Variants in MDN1 observed in about 807,000 individuals in gnomAD.
MDN1 encodes the protein midasin AAA ATPase 1, also known as midasin.
A neutral mutation model predicts 669.2 loss-of-function variants in MDN1; 266 were observed. The ratio of observed to expected loss-of-function variants is 0.40; its 90% CI spans 0.36 to 0.44. MDN1 has a LOEUF of 0.44. Ranked by LOEUF, MDN1 falls within the 20% of genes least tolerant of loss-of-function variation. The pLI, the probability that MDN1 is intolerant of heterozygous loss-of-function variation, is 1.00. For missense variants in MDN1, 5,940 were observed against 6,754.0 expected (o/e 0.88, Z 4.22); for synonymous variants, 2,385 against 2,457.1 (o/e 0.97, Z 0.87).
chr6:89,723,005 C>T lies in MDN1; in HGVS notation c.5917G>A (p.Val1973Met), dbSNP rs1191237182. The change falls in exon 40 of 102, where the codon GTG becomes ATG. Residue 1973 changes from valine to methionine, a missense_variant. This residue lies in a region of MDN1 where 2,292 missense variants were observed against 2,638.3 expected (regional missense o/e 0.87). Transcript: ENST00000369393. Reference sequence around the variant, plus strand: ...ATTCTTTCACCATAGACCAAAAACACATGCTGACCAGGATCATAACACCCA... The same window carrying T: ...ATTCTTTCACCATAGACCAAAAACATATGCTGACCAGGATCATAACACCCA... ...SPGCYDPGQH[V>M]FLVYGERMRT... The T allele has an allele frequency of 6.2e-7, 1 of 1,614,068 alleles. No individual in the cohort carries two copies. The highest frequency in any genetic ancestry group is 1.7e-5 in the Admixed American group (1 of 60,004).
chr6:89,723,715 C>T (rs1051303427), intron 38 of MDN1, 96 bp from the exon 39 acceptor site: 5 of 579,626 alleles, frequency 8.6e-6, no homozygotes, highest in Non-Finnish European at 1.4e-5. Flanking sequence ...ATCTTTAATA[C>T]CAAGTAACAA....
At chr6:89,665,691 A>G (rs529103280) in intron 84 of MDN1, among the ~76,000 whole-genome samples, 2 of 130,448 alleles carry the variant, frequency 1.5e-5, no homozygotes, top group Admixed American at 8.5e-5. Context: ...TGGGTGACAG[A>G]GCAAGACTCC....
rs756407280 is a variant in MDN1 at position 89,774,716 on chromosome 6, T to C, written c.1839A>G (p.Gln613=). 11 of 1,612,982 alleles carry C rather than the reference T, an allele frequency of 6.8e-6. No homozygotes were observed. The highest frequency in any genetic ancestry group is 6.8e-6 in the Non-Finnish European group (8 of 1,179,180). The change falls in exon 13 of 102, where the codon CAA becomes CAG. Residue 613 remains glutamine (Q), a synonymous_variant. Coordinates refer to ENST00000369393, the MANE Select transcript of MDN1 (RefSeq NM_014611.3). ...ISRKKAEFFC[Q]LYKPEIVINE... ...TGATCACAATTTCTGGTTTATAAAG[T>C]TGACAAAAGAATTCAGCCTGTAGGA...
Position 89,673,329 on chromosome 6 carries a change from C to G in MDN1, c.13381G>C (p.Glu4461Gln), listed in dbSNP as rs768200551. The change falls in exon 80 of 102, where the codon GAA becomes CAA. Residue 4461 changes from glutamate (E) to glutamine (Q), a missense_variant. This residue lies in a region of MDN1 where 2,280 missense variants were observed against 2,576.3 expected (regional missense o/e 0.88). Coordinates refer to ENST00000369393, the MANE Select transcript of MDN1 (RefSeq NM_014611.3). ...TCTCCTCTTACATATTCCAGACTTT[C>G]AACTAGTGCCATTTGTGAGTCTCTT... ...EQRDSQMALV[E>Q]SLEYVRGEIS... 2 of 1,614,168 alleles carry G rather than the reference C, an allele frequency of 1.2e-6. No individual in the cohort carries two copies. Among genetic ancestry groups the G allele is most frequent in the Admixed American group, 3.3e-5 (2 of 60,030 alleles).
At position 89,644,150 on chromosome 6, in the gene MDN1, C is replaced by T; in HGVS notation, c.16646G>A (p.Gly5549Glu). Residue 5549 changes from glycine (G) to glutamate (E), a missense_variant, in exon 102 of 102, where the codon GGA (glycine) becomes GAA (glutamate). Physicochemically the swap from Gly to Glu is moderately conservative, Grantham distance 98. Around this residue, in one of 5 missense-constraint regions of MDN1, gnomAD observed 2,280 missense variants for 2,576.3 expected, o/e 0.88. Coordinates refer to ENST00000369393, the MANE Select transcript of MDN1 (RefSeq NM_014611.3). ...GTAGGATCGGATTTCAGGCATCTCT[C>T]CAGGTCCTTTAAATATCGGTACTTT... Reference protein sequence around the residue: ...DIKVPIFKGPGEMPEIRSYME... With the variant: ...DIKVPIFKGPEEMPEIRSYME... 1.9e-6 allele frequency: 3 copies of T among 1,613,466 alleles called. No homozygotes were observed. Among genetic ancestry groups the T allele is most frequent in the Non-Finnish European group, 2.5e-6 (3 of 1,179,848 alleles).
intron 74 of MDN1, 30 bp from the exon 75 acceptor site, chr6:89,678,775 G>C (rs377144687): frequency 1.3e-5 from 20 of 1,593,598 alleles, no homozygotes; most frequent in Non-Finnish European, 1.6e-5. Flanking sequence ...GGGGAGGGGA[G>C]ACAATAAGAA....
At chr6:89,758,203 A>G in intron 19 of MDN1, 52 bp downstream of exon 19, 1 of 1,451,780 alleles carries the variant, frequency 6.9e-7, no homozygotes, top group Non-Finnish European at 9.5e-7. Context: ...CCTGGGCAAC[A>G]GAGCAAGAAC....
rs1359185798 is a variant in MDN1 at position 89,718,362 on chromosome 6, A to G, written c.6583+4T>C. ...TCCTGATACAGAGATCCAAATATACATACCTGCCTTGCAGTATGAGTTGAT... is the reference window on the plus strand; with the variant it reads ...TCCTGATACAGAGATCCAAATATACGTACCTGCCTTGCAGTATGAGTTGAT... On this transcript the variant is annotated splice_donor_region_variant and intron_variant, in intron 43 of 101. Transcript: ENST00000369393. 5 of 1,612,746 alleles carry G rather than the reference A, an allele frequency of 3.1e-6. No homozygotes were observed. In the South Asian group the frequency reaches 5.5e-5, roughly 18 times the overall value.
intron 15 of MDN1, among the ~76,000 whole-genome samples, chr6:89,767,847 C>A (rs1168754466): frequency 6.6e-6 from 1 of 151,536 alleles, no homozygotes; most frequent in East Asian, 1.9e-4. Flanking sequence ...GGGGACCAGC[C>A]TGGGCAATAT....
intron 9 of MDN1, among the ~76,000 whole-genome samples, chr6:89,782,736 C>G (rs758469845): frequency 6.6e-6 from 1 of 151,872 alleles, no homozygotes; most frequent in Non-Finnish European, 1.5e-5. Flanking sequence ...GTCAAGAGAT[C>G]GAGACCAACC....
At chr6:89,811,862 C>T (rs772902966) in intron 1 of MDN1, among the ~76,000 whole-genome samples, 2 of 152,244 alleles carry the variant, frequency 1.3e-5, no homozygotes, top group African/African-American at 2.4e-5. Flanking sequence ...CCTGGCTACA[C>T]CTTTGTATTT....
chr6:89,794,199 G>A lies in MDN1; in HGVS notation c.563C>T (p.Ala188Val). 2 of 1,565,424 alleles carry A rather than the reference G, an allele frequency of 1.3e-6. No individual in the cohort carries two copies. Among genetic ancestry groups the A allele is most frequent in the Middle Eastern group, 1.7e-4 (1 of 5,860 alleles). The change falls in exon 4 of 102, where the codon GCC (alanine) becomes GTC (valine). Residue 188 changes from alanine (A) to valine (V), a missense_variant. Transcript: ENST00000369393. The stretch of plus-strand genomic sequence containing the variant: ...ACAGGTAACCAAAGCAAGACAATTG[G>A]CTGTATACCTAGGGAAAAAGAAAGT... ...SHDTLVRWYTANCLALVTCMN... is the reference protein window; with the variant it reads ...SHDTLVRWYTVNCLALVTCMN...
In MDN1 at chr6:89,696,354, G is replaced by A; in HGVS notation, c.9383+6C>T. ...TTTACAGTCTGCTTCCAGGGCGAGG[G>A]AATACCTGAATTCTGCTACTGAAGA... is the stretch of plus-strand genomic sequence containing the variant. On this transcript the variant is annotated splice_donor_region_variant and intron_variant, in intron 60 of 101. Coordinates refer to ENST00000369393, the MANE Select transcript of MDN1 (RefSeq NM_014611.3). 1 of 1,613,454 alleles carries A rather than the reference G, an allele frequency of 6.2e-7. No individual in the cohort carries two copies. The highest frequency in any genetic ancestry group is 8.5e-7 in the Non-Finnish European group (1 of 1,179,552).
chr6:89,654,244 T>C lies in MDN1; in HGVS notation c.15581A>G (p.Glu5194Gly). The C allele has an allele frequency of 6.2e-7, 1 of 1,614,250 alleles. No individual in the cohort carries two copies. ...TGCTGCTTTGAACTCCTCCTGCTCC[T>C]CTGTGTCCATAAGGGTGTCCTCTAT... The part of the protein sequence containing the change: ...EEIEDTLMDT[E>G]EQEEFKAADV... The change falls in exon 93 of 102, where the codon GAG (glutamate) becomes GGG (glycine). Residue 5194 changes from glutamate (E) to glycine (G), a missense_variant. Coordinates refer to ENST00000369393, the MANE Select transcript of MDN1 (RefSeq NM_014611.3).
chr6:89,678,229 G>A (rs918316066), intron 75 of MDN1, among the ~76,000 whole-genome samples: 23 of 152,086 alleles, frequency 1.5e-4, no homozygotes, highest in African/African-American at 4.3e-4. Flanking sequence ...CCAAAATCAC[G>A]CCATTGCACT....
intron 8 of MDN1, among the ~76,000 whole-genome samples, chr6:89,786,548 A>G (rs965873750): frequency 6.6e-6 from 1 of 152,176 alleles, no homozygotes; most frequent in African/African-American, 2.4e-5. Flanking sequence ...TTGTGGTTAC[A>G]GTAAGCTACG....
chr6:89,734,034 C>T (rs1412166249), intron 33 of MDN1, among the ~76,000 whole-genome samples: 1 of 152,046 alleles, frequency 6.6e-6, no homozygotes, highest in Non-Finnish European at 1.5e-5. Flanking sequence ...CCTGTAATAC[C>T]AGCACTTTGA....
intron 13 of MDN1, among the ~76,000 whole-genome samples, chr6:89,773,414 C>A (rs915765613): frequency 6.6e-6 from 1 of 151,718 alleles, no homozygotes; most frequent in African/African-American, 2.4e-5. Flanking sequence ...GTGGTGGATG[C>A]CTGCAGTTCC....
Position 89,654,304 on chromosome 6 carries a change from G to C in MDN1, c.15521C>G (p.Ala5174Gly), listed in dbSNP as rs1157793418. ...DVASKEQQQS[A>G]KDSGKDQEEE... ...TTCCTGATCTTTGCCAGAGTCTTTT[G>C]CAGACTGTTGCTGTTCTTTGCTGGC... is the stretch of plus-strand genomic sequence containing the variant. Residue 5174 changes from alanine (A) to glycine (G), a missense_variant, in exon 93 of 102, where the codon GCA becomes GGA. Around this residue, in one of 5 missense-constraint regions of MDN1, gnomAD observed 2,280 missense variants for 2,576.3 expected, o/e 0.88. Coordinates refer to ENST00000369393, the MANE Select transcript of MDN1 (RefSeq NM_014611.3). 6.2e-7 allele frequency: 1 copy of C among 1,614,166 alleles called. No homozygotes were observed. The highest frequency in any genetic ancestry group is 1.1e-5 in the South Asian group (1 of 91,080).
Sources: gnomAD v4.1 joint callset for allele counts (sites outside exome capture counted in the v4.1 genomes callset) on GRCh38, gnomAD v4.1.1 for gene constraint, gnomAD v4.1.1 regional missense constraint, MANE v1.5 for transcripts, NCBI Gene and HGNC (gene_info 2026-07-23, HGNC 2026-07-21) for gene names.